Variants in ZFHX3 observed in about 807,000 individuals in gnomAD.
The protein encoded by ZFHX3 is zinc finger homeobox protein 3.
In ZFHX3, 42 loss-of-function variants were observed where a neutral mutation model predicts 279.1. The observed-to-expected ratio is 0.15, with a 90% CI of 0.12 to 0.19. The LOEUF (loss-of-function observed/expected upper bound fraction) is 0.19, where lower values mean the gene tolerates loss of function less well. Among genes scored for constraint, ZFHX3 ranks in the 10% least tolerant of loss-of-function variants. The pLI is 1.00. For missense variants in ZFHX3, 4,981 were observed against 4,754.0 expected, an observed-to-expected ratio of 1.05 and a Z score of -1.40; for synonymous variants, 2,293 against 1,957.8, an observed-to-expected ratio of 1.17 and a Z score of -4.52.
At chr16:73,661,913 G>C (rs2052788795) in intron 2 of ZFHX3, among the ~76,000 whole-genome samples, 2 of 150,436 alleles carry the variant, frequency 1.3e-5, no homozygotes, top group African/African-American at 4.9e-5. Context: ...ATTTCATTTA[G>C]AAACTCAAAT....
chr16:73,308,120 G>A (rs1297512539), intron 4 of ZFHX3, among the ~76,000 whole-genome samples: 1 of 151,510 alleles, frequency 6.6e-6, no homozygotes, highest in Non-Finnish European at 1.5e-5. Flanking sequence ...GAAAATACTT[G>A]TCGGAGAGAT....
At chr16:73,408,033 T>G (rs1597322935) in intron 3 of ZFHX3, among the ~76,000 whole-genome samples, 1 of 136,046 alleles carries the variant, frequency 7.4e-6, no homozygotes, top group Admixed American at 7.6e-5. Flanking sequence ...AGGAGGGGAG[T>G]GAAAAGGGGT....
At chr16:73,482,773 T>C (rs569181052) in intron 2 of ZFHX3, among the ~76,000 whole-genome samples, 1 of 152,332 alleles carries the variant, frequency 6.6e-6, no homozygotes, top group South Asian at 2.1e-4. Flanking sequence ...TATTTTCCTT[T>C]GCAATAACCA....
At chr16:72,837,194 C>G (rs2037214248) in intron 4 of ZFHX3, among the ~76,000 whole-genome samples, 1 of 152,184 alleles carries the variant, frequency 6.6e-6, no homozygotes. Flanking sequence ...TTTTCTCACC[C>G]ACTTAATCTC....
At chr16:72,822,147 T>C (rs78000202) in intron 5 of ZFHX3, among the ~76,000 whole-genome samples, 1,877 of 152,294 alleles carry the variant, frequency 0.012, 87 homozygotes, top group South Asian at 0.12. Flanking sequence ...ATTTTACCAA[T>C]TGATTGTTAA....
intron 2 of ZFHX3, among the ~76,000 whole-genome samples, chr16:73,461,351 C>T (rs2018467255): frequency 6.6e-6 from 1 of 152,090 alleles, no homozygotes; most frequent in African/African-American, 2.4e-5. Context: ...CAGTCTATAG[C>T]TTATCTTTTT....
chr16:73,411,070 T>C (rs1597324175), intron 3 of ZFHX3, among the ~76,000 whole-genome samples: 1 of 152,330 alleles, frequency 6.6e-6, no homozygotes, highest in African/African-American at 2.4e-5. Flanking sequence ...CTTCTGAATA[T>C]GTCACGGATG....
intron 1 of ZFHX3, among the ~76,000 whole-genome samples, chr16:73,814,151 T>C (rs1300420605): frequency 2.0e-5 from 3 of 152,060 alleles, no homozygotes; most frequent in African/African-American, 4.8e-5. Flanking sequence ...GTACCTTCCA[T>C]TTTTTTCATT....
intron 5 of ZFHX3, among the ~76,000 whole-genome samples, chr16:73,250,135 A>G (rs1179829250): frequency 3.3e-5 from 5 of 152,198 alleles, no homozygotes; most frequent in Non-Finnish European, 7.3e-5. Context: ...CAAGTCTGTG[A>G]TATGGTTGCA....
chr16:72,795,163 G>A lies in ZFHX3; in HGVS notation c.7519C>T (p.Leu2507=). 2 of 1,611,930 alleles carry A rather than the reference G, an allele frequency of 1.2e-6. No individual in the cohort carries two copies. Among genetic ancestry groups the A allele is most frequent in the Non-Finnish European group, 1.7e-6 (2 of 1,178,694 alleles). ...GATGTGTGGAGGGGCTTGAGGGGCA[G>A]GTGGGAGAGCTGGGAAGGACTGGGG... ...SSPSPSQLSH[L]PLKPLHTSTP... is the part of the protein sequence containing the mutation. Residue 2507 remains leucine (L), a synonymous_variant, in exon 9 of 10, where the codon CTG becomes TTG. Transcript: ENST00000268489.
chr16:73,377,601 T>G (rs952349192), intron 3 of ZFHX3, among the ~76,000 whole-genome samples: 1 of 152,126 alleles, frequency 6.6e-6, no homozygotes, highest in Non-Finnish European at 1.5e-5. Context: ...AGTAGCTACT[T>G]GGTACTCAGC....
At chr16:73,792,863 C>A (rs959373346) in intron 1 of ZFHX3, among the ~76,000 whole-genome samples, 2 of 147,626 alleles carry the variant, frequency 1.4e-5, no homozygotes, top group Middle Eastern at 3.5e-3. Context: ...TGCACCCCCC[C>A]CCTCCCCTCT....
chr16:72,803,196 G>A (rs2036163503), intron 7 of ZFHX3, among the ~76,000 whole-genome samples: 1 of 152,116 alleles, frequency 6.6e-6, no homozygotes, highest in Non-Finnish European at 1.5e-5. Context: ...GCCAGGCGTG[G>A]TGGCTCATGC....
At chr16:72,889,503 A>AAG (rs1555527694) in intron 4 of ZFHX3, among the ~76,000 whole-genome samples, 2 of 149,834 alleles carry the variant, frequency 1.3e-5, no homozygotes, top group African/African-American at 4.9e-5. Flanking sequence ...AAAAAAAAAA[A>AAG]AAGAAGAAGA....
chr16:73,247,389 G>A (rs138127957), intron 5 of ZFHX3, among the ~76,000 whole-genome samples: 3,060 of 152,054 alleles, frequency 0.02, 95 homozygotes, highest in African/African-American at 0.07. Flanking sequence ...GAGTATACGC[G>A]TGTGTGTATA....
At chr16:73,372,884 G>A (rs573356795) in intron 3 of ZFHX3, among the ~76,000 whole-genome samples, 15 of 152,226 alleles carry the variant, frequency 9.9e-5, no homozygotes, top group African/African-American at 3.1e-4. Flanking sequence ...ACCTACATCC[G>A]AAACATACAC....
intron 2 of ZFHX3, among the ~76,000 whole-genome samples, chr16:73,505,318 G>A (rs1044744159): frequency 4.6e-5 from 7 of 152,064 alleles, no homozygotes; most frequent in Admixed American, 2.6e-4. Context: ...CAAAATGCTC[G>A]CCTCCCTGAG....
intron 3 of ZFHX3, among the ~76,000 whole-genome samples, chr16:72,946,144 A>G (rs1960661465): frequency 4.6e-5 from 7 of 152,226 alleles, no homozygotes. Context: ...TCCGTACTGC[A>G]CAATCCTCCT....
intron 5 of ZFHX3, among the ~76,000 whole-genome samples, chr16:73,239,396 G>T (rs2013050980): frequency 6.6e-6 from 1 of 152,240 alleles, no homozygotes; most frequent in Non-Finnish European, 1.5e-5. Context: ...CCTTTGCAGA[G>T]TTCCTGGGAG....
Sources: gnomAD v4.1 joint callset for allele counts (sites outside exome capture counted in the v4.1 genomes callset) on GRCh38, gnomAD v4.1.1 for gene constraint, MANE v1.5 for transcripts, NCBI Gene and HGNC (gene_info 2026-07-23, HGNC 2026-07-21) for gene names.